The following SUGP2 variants were observed in gnomAD, a reference collection of about 807,000 sequenced individuals.
The protein encoded by SUGP2 is SURP and G-patch domain containing 2, also known as SURP and G-patch domain-containing protein 2.
Under a neutral mutation model 90.5 loss-of-function variants are expected in SUGP2, and 24 were observed. The ratio of observed to expected loss-of-function variants is 0.27; its 90% confidence interval spans 0.19 to 0.37. SUGP2 has a LOEUF of 0.37. Ranked by LOEUF, SUGP2 falls within the 10% of genes least tolerant of loss-of-function variation. SUGP2 has a pLI of 1.00. For synonymous variants in SUGP2, 473 were observed against 513.4 expected (o/e 0.92, Z 1.06); for missense variants, 1,233 against 1,363.3 (o/e 0.90, Z 1.51).
chr19:18,999,216 G>A (rs528645927), intron 8 of SUGP2, among the ~76,000 whole-genome samples: 14 of 152,292 alleles, frequency 9.2e-5, no homozygotes, highest in Non-Finnish European at 1.5e-4. Flanking sequence ...CCCTGTGGGC[G>A]AGGTGGAGGT....
At chr19:19,007,887 G>A (rs1194204053) in intron 6 of SUGP2, among the ~76,000 whole-genome samples, 2 of 151,110 alleles carry the variant, frequency 1.3e-5, no homozygotes, top group East Asian at 3.9e-4. Context: ...AGCCTCCCAA[G>A]CAGCTGGGAT....
In SUGP2 at chr19:18,992,295, C is replaced by T. The variant is rs1438730120; in HGVS notation, c.*1446G>A. The T allele has an allele frequency of 6.6e-6, 1 of 150,958 alleles. No individual in the cohort carries two copies. The highest frequency in any genetic ancestry group is 1.5e-5 in the Non-Finnish European group (1 of 67,904). The allele number at this position is 150,958 out of a possible 1,614,324, so 9.4% of individuals were successfully genotyped here. On this transcript the variant is annotated 3_prime_UTR_variant, in exon 11 of 11. Transcript: ENST00000452918. ...TCGATCTCTTGACCTCGTGATCCAC[C>T]TGCCTCGGCCTCCCAAAGTGCTGGA...
intron 4 of SUGP2, among the ~76,000 whole-genome samples, chr19:19,016,312 T>G (rs1438611167): frequency 6.6e-6 from 1 of 152,116 alleles, no homozygotes; most frequent in Non-Finnish European, 1.5e-5. Flanking sequence ...CCCGGCCGCT[T>G]ATTTCTGATT....
At chr19:18,994,268 G>A (rs2145216764) in intron 10 of SUGP2, 98 bp downstream of exon 10, 2 of 1,485,490 alleles carry the variant, frequency 1.3e-6, no homozygotes, top group South Asian at 2.6e-5. Context: ...TGGCATTTTT[G>A]GGGGAGCAGG....
chr19:18,996,939 C>A (rs1009345127), intron 8 of SUGP2, among the ~76,000 whole-genome samples: 1 of 151,570 alleles, frequency 6.6e-6, no homozygotes, highest in Non-Finnish European at 1.5e-5. Flanking sequence ...GAGGAAGGTG[C>A]TGAGGAGGAT....
chr19:19,024,236 G>A (rs536311697), intron 3 of SUGP2, among the ~76,000 whole-genome samples: 10 of 152,114 alleles, frequency 6.6e-5, no homozygotes, highest in African/African-American at 9.6e-5. Flanking sequence ...TCAGCCTCCC[G>A]AGTAGCTGGG....
In SUGP2 at chr19:19,008,303, G is replaced by T. The variant is rs377184418; in HGVS notation, c.2450+14C>A. ...GAAAGAAAAAGGTGTGATGAGACCCGGGGGGGTACGTACCACAGGTCAGGG... is the reference window on the plus strand; with the variant it reads ...GAAAGAAAAAGGTGTGATGAGACCCTGGGGGGTACGTACCACAGGTCAGGG... On this transcript the variant is annotated intron_variant, in intron 6 of 10. Transcript: ENST00000452918. 3.8e-6 allele frequency: 6 copies of T among 1,572,626 alleles called. No individual in the cohort carries two copies. The highest frequency in any genetic ancestry group is 4.5e-5 in the East Asian group (2 of 44,544).
intron 3 of SUGP2, among the ~76,000 whole-genome samples, chr19:19,022,118 G>A (rs1170573801): frequency 6.6e-6 from 1 of 152,026 alleles, no homozygotes; most frequent in Non-Finnish European, 1.5e-5. Context: ...CCGAGTAGCT[G>A]GGACTACAGG....
chr19:19,022,608 G>A (rs1231039158), intron 3 of SUGP2, among the ~76,000 whole-genome samples: 1 of 151,748 alleles, frequency 6.6e-6, no homozygotes, highest in East Asian at 1.9e-4. Flanking sequence ...CAGGAAAACA[G>A]GGGGAACATC....
At chr19:19,020,086 TCAGTGATC>T (rs2058664967) in intron 3 of SUGP2, among the ~76,000 whole-genome samples, 1 of 144,198 alleles carries the variant, frequency 6.9e-6, no homozygotes, top group Non-Finnish European at 1.5e-5. Flanking sequence ...AATAAAAAGG[TCAGTGATC>T]CCAAATTACA....
intron 8 of SUGP2, among the ~76,000 whole-genome samples, chr19:18,997,537 C>T (rs1342957221): frequency 2.0e-5 from 3 of 152,158 alleles, no homozygotes; most frequent in Non-Finnish European, 4.4e-5. Context: ...GTAGTCCCAG[C>T]ACTTTGGGAG....
rs71168792 is a variant in SUGP2 at position 19,032,156 on chromosome 19, C to CTT, written c.-11-1076_-11-1075dup. ...CGTGGTTAGGAAAGAAGAGATCAAT[C>CTT]TTTTTTTTTTTTTTCTTCCTTTTTT... On this transcript the variant is annotated intron_variant, in intron 1 of 10. Transcript: ENST00000452918. Among the ~76,000 whole-genome samples the CTT allele has an allele frequency of 4.9e-3, 701 of 143,562 alleles. 2 individuals carry two copies. Among genetic ancestry groups the CTT allele is most frequent in the South Asian group, 7.9e-3 (36 of 4,550 alleles). 94.2% of individuals were successfully genotyped at this position (143,562 alleles called of 152,430 possible). A position where few individuals can be genotyped will look rare whatever the true frequency, so the allele number is the denominator to read the frequency against.
intron 8 of SUGP2, among the ~76,000 whole-genome samples, chr19:19,000,710 C>T (rs1773747280): frequency 6.9e-6 from 1 of 144,040 alleles, no homozygotes; most frequent in African/African-American, 2.6e-5. Flanking sequence ...ATAACTTGAA[C>T]TTTTTTTTTT....
Position 19,004,522 on chromosome 19 carries a change from C to G in SUGP2, c.2575G>C (p.Gly859Arg), listed in dbSNP as rs757750129. Residue 859 changes from glycine (G) to arginine (R), a missense_variant, in exon 7 of 11, where the codon GGT becomes CGT. Gly to Arg is a moderately radical substitution (Grantham distance 125, BLOSUM62 -2). This residue lies in a region of SUGP2 where 540 missense variants were observed against 542.6 expected (regional missense o/e 1.00). Coordinates refer to ENST00000452918, the MANE Select transcript of SUGP2 (RefSeq NM_001017392.5). ...AGGTCCACGGGGCTCTCCTGAGAAC[C>G]CGTGGTGTCACCACCACCAGTGTGA... is the stretch of plus-strand genomic sequence containing the variant. ...NLHTGGGDTT[G>R]SQESPVDLME... is the part of the protein sequence containing the mutation. 3 of 1,614,236 alleles carry G rather than the reference C, an allele frequency of 1.9e-6. No homozygotes were observed. The highest frequency in any genetic ancestry group is 1.7e-5 in the Admixed American group (1 of 60,028).
chr19:19,004,151 G>T lies in SUGP2; in HGVS notation c.2929+17C>A. ...GAACTGTGCTAGAGGCAACTGTGCC[G>T]ACAGGCGGGCACTCACCTTTTGGCT... On this transcript the variant is annotated intron_variant, in intron 7 of 10. Coordinates refer to ENST00000452918, the MANE Select transcript of SUGP2 (RefSeq NM_001017392.5). 1 of 1,524,968 alleles carries T rather than the reference G, an allele frequency of 6.6e-7. No individual in the cohort carries two copies. The highest frequency in any genetic ancestry group is 1.3e-5 in the South Asian group (1 of 77,810). 94.5% of individuals were successfully genotyped at this position (1,524,968 alleles called of 1,614,324 possible).
intron 8 of SUGP2, among the ~76,000 whole-genome samples, chr19:18,996,856 G>A (rs2057615787): frequency 6.6e-6 from 1 of 152,054 alleles, no homozygotes; most frequent in African/African-American, 2.4e-5. Flanking sequence ...GCGCCTGGCT[G>A]ATGTATTTAT....
At position 19,025,724 on chromosome 19, in the gene SUGP2, T is replaced by C. The variant is rs1232895544; in HGVS notation, c.624A>G (p.Gln208=). The change falls in exon 3 of 11, where the codon CAA becomes CAG. Residue 208 remains glutamine, a synonymous_variant. Coordinates refer to ENST00000452918, the MANE Select transcript of SUGP2 (RefSeq NM_001017392.5). Reference sequence around the variant, plus strand: ...TTAGAGCTCGACCTCTGGCCTGGACTTGACTGCCGCCCCTAAGCACAGAGT... The same window carrying C: ...TTAGAGCTCGACCTCTGGCCTGGACCTGACTGCCGCCCCTAAGCACAGAGT... The part of the protein sequence containing the change: ...EADSVLRGGS[Q]VQARGRALNI... The C allele has an allele frequency of 6.2e-7, 1 of 1,613,968 alleles. No individual in the cohort carries two copies. Among genetic ancestry groups the C allele is most frequent in the African/African-American group, 1.3e-5 (1 of 74,896 alleles).
chr19:19,022,951 T>TA (rs2058784136), intron 3 of SUGP2, among the ~76,000 whole-genome samples: 2 of 152,294 alleles, frequency 1.3e-5, no homozygotes, highest in South Asian at 4.1e-4. Flanking sequence ...TCACAAGAGT[T>TA]AAGACAGCAT....
intron 1 of SUGP2, 113 bp from the exon 2 acceptor site, chr19:19,031,195 C>A: frequency 1.7e-6 from 2 of 1,152,554 alleles, no homozygotes; most frequent in East Asian, 4.8e-5. Flanking sequence ...ATCACCTGAG[C>A]TCAGGAGTTC....
Sources: allele counts gnomAD v4.1 joint callset (sites outside exome capture counted in the v4.1 genomes callset), GRCh38; gene constraint gnomAD v4.1.1; regional missense constraint gnomAD v4.1.1; transcripts MANE v1.5; gene names NCBI Gene and HGNC (gene_info 2026-07-23, HGNC 2026-07-21).